The following COX10 variants were observed in gnomAD, a reference collection of about 807,000 sequenced individuals.
COX10 encodes protoheme IX farnesyltransferase, mitochondrial.
A neutral mutation model predicts 37.3 loss-of-function variants in COX10; 27 were observed. That is an observed-to-expected ratio of 0.72 (90% CI 0.53 to 1.00). The LOEUF (loss-of-function observed/expected upper bound fraction) is 1.00, where lower values mean the gene tolerates loss of function less well. Among genes scored for constraint, COX10 ranks in the 50% least tolerant of loss-of-function variants. The pLI is 0.00. For missense variants in COX10, 475 were observed against 563.2 expected (o/e 0.84, Z 1.59); for synonymous variants, 222 against 229.1 (o/e 0.97, Z 0.28).
At position 14,147,003 on chromosome 17, in the gene COX10, G is replaced by T. The variant is rs148911429; in HGVS notation, c.625-12874G>T. Among the ~76,000 whole-genome samples, 29 of 152,250 alleles carry T rather than the reference G, an allele frequency of 1.9e-4. No individual in the cohort carries two copies. The East Asian group carries it at 5.0e-3, about 26-fold the overall frequency. On this transcript the variant is annotated intron_variant, in intron 4 of 6. Transcript: ENST00000261643. ...CAAAGGCAGGCAATAACAAATGCTG[G>T]CAAGGATGTGGAGAAAAGGGAATCC...
intron 5 of COX10, among the ~76,000 whole-genome samples, chr17:14,174,799 C>T (rs1027601542): frequency 6.6e-6 from 1 of 151,088 alleles, no homozygotes; most frequent in Non-Finnish European, 1.5e-5. Context: ...GGACACATGT[C>T]CATACAAAGA....
Position 14,120,962 on chromosome 17 carries a change from T to C in COX10, c.624+18720T>C, listed in dbSNP as rs79763853. 5.6e-3 allele frequency among the ~76,000 whole-genome samples: 859 copies of C among 152,274 alleles called. 8 individuals carry two copies. Among genetic ancestry groups the C allele is most frequent in the African/African-American group, 0.019 (792 of 41,552 alleles). ...ATACAGGCATTGGTTATGTTTTCCT[T>C]CTCCACTTTCTTTCCTGACATTTTC... is the stretch of plus-strand genomic sequence containing the variant. On this transcript the variant is annotated intron_variant, in intron 4 of 6. Transcript: ENST00000261643.
At chr17:14,074,881 A>G (rs1915106158) in intron 2 of COX10, among the ~76,000 whole-genome samples, 1 of 152,192 alleles carries the variant, frequency 6.6e-6, no homozygotes, top group African/African-American at 2.4e-5. Flanking sequence ...TAACAGTTGC[A>G]CTTCTGAGTA....
At chr17:14,183,839 G>A (rs1432133930) in intron 5 of COX10, among the ~76,000 whole-genome samples, 1 of 152,054 alleles carries the variant, frequency 6.6e-6, no homozygotes, top group Non-Finnish European at 1.5e-5. Flanking sequence ...GAGAGTTCAC[G>A]GTAGTTACAT....
rs75823746 is a variant in COX10, at chr17:14,207,651, G to C, written c.*438G>C. 3,158 of 159,702 alleles carry C rather than the reference G, an allele frequency of 0.02. 68 individuals are homozygous for C. The highest frequency in any genetic ancestry group is 0.094 in the East Asian group (505 of 5,394). 9.9% of individuals were successfully genotyped at this position (159,702 alleles called of 1,614,324 possible). On this transcript the variant is annotated 3_prime_UTR_variant, in exon 7 of 7. Coordinates refer to ENST00000261643, the MANE Select transcript of COX10 (RefSeq NM_001303.4). ...GCTGTCTGTAGTTCTGTGAGCTCAG[G>C]TCCCTCAAAGGCCTCGGAGCACCCC...
chr17:14,134,305 TAAAG>T (rs1253444796), intron 4 of COX10, among the ~76,000 whole-genome samples: 6 of 151,840 alleles, frequency 4.0e-5, no homozygotes, highest in Non-Finnish European at 8.9e-5. Flanking sequence ...AAAGTATTCT[TAAAG>T]AATGTGAAGA....
rs79196225 is a variant in COX10, at chr17:14,078,498, C to T, written c.499+1442C>T. Among the ~76,000 whole-genome samples, 633 of 152,054 alleles carry T rather than the reference C, an allele frequency of 4.2e-3. 22 individuals carry two copies. In the East Asian group the frequency reaches 0.074, roughly 18 times the overall value. On this transcript the variant is annotated intron_variant, in intron 3 of 6. Coordinates refer to ENST00000261643, the MANE Select transcript of COX10 (RefSeq NM_001303.4). ...CCAGTCTTCTTCACTTTTTGCTCTC[C>T]GCTCTCCCCTTCATCTTGAGTCTAA...
chr17:14,187,405 A>G (rs564478206), intron 5 of COX10, among the ~76,000 whole-genome samples: 1 of 152,358 alleles, frequency 6.6e-6, no homozygotes, highest in South Asian at 2.1e-4. Context: ...TGTGTTATAA[A>G]TATTAATGAT....
rs1157321131 is a variant in COX10, at chr17:14,188,102, C to CTTTTT, written c.696-3872_696-3868dup. On this transcript the variant is annotated intron_variant, in intron 5 of 6. Transcript: ENST00000261643. ...AGAAGGAGTAAACAACCTTCTTCTTCTTTTTTTTTTTTTTTTTTTGACACA... is the reference window on the plus strand; with the variant it reads ...AGAAGGAGTAAACAACCTTCTTCTTCTTTTTTTTTTTTTTTTTTTTTTTTGACACA... 2.2e-4 allele frequency among the ~76,000 whole-genome samples: 27 copies of CTTTTT among 123,566 alleles called. 1 individual carries two copies. Among genetic ancestry groups the CTTTTT allele is most frequent in the Non-Finnish European group, 2.8e-4 (17 of 60,454 alleles). 81.1% of individuals were successfully genotyped at this position (123,566 alleles called of 152,430 possible).
At chr17:14,142,701 T>C (rs1291756641) in intron 4 of COX10, among the ~76,000 whole-genome samples, 1 of 152,232 alleles carries the variant, frequency 6.6e-6, no homozygotes, top group African/African-American at 2.4e-5. Context: ...AAAGCAAACA[T>C]TTCTTCCCAG....
At chr17:14,117,159 T>C (rs1157667911) in intron 4 of COX10, among the ~76,000 whole-genome samples, 1 of 152,234 alleles carries the variant, frequency 6.6e-6, no homozygotes, top group Non-Finnish European at 1.5e-5. Flanking sequence ...TTAAAGAACA[T>C]ACAAGGGCTT....
chr17:14,109,775 G>A (rs1043178084), intron 4 of COX10, among the ~76,000 whole-genome samples: 4 of 152,020 alleles, frequency 2.6e-5, no homozygotes, highest in Non-Finnish European at 4.4e-5. Context: ...GTGTAGTAGA[G>A]GTGGAGTTAA....
At chr17:14,070,344 T>C (rs1914990028) in intron 1 of COX10, among the ~76,000 whole-genome samples, 1 of 152,254 alleles carries the variant, frequency 6.6e-6, no homozygotes, top group Non-Finnish European at 1.5e-5. Context: ...TCTTTCATTA[T>C]GGTTAGCACA....
At chr17:14,139,978 G>C (rs1440443456) in intron 4 of COX10, among the ~76,000 whole-genome samples, 3 of 152,150 alleles carry the variant, frequency 2.0e-5, no homozygotes, top group Non-Finnish European at 4.4e-5. Context: ...GGCTTCTCTT[G>C]TAAGTCTATT....
At chr17:14,108,577 A>T (rs1915946684) in intron 4 of COX10, among the ~76,000 whole-genome samples, 1 of 152,146 alleles carries the variant, frequency 6.6e-6, no homozygotes, top group Non-Finnish European at 1.5e-5. Context: ...GTGAAAGCAA[A>T]TGAAAGATCA....
chr17:14,167,046 G>A (rs1176000664), intron 5 of COX10, among the ~76,000 whole-genome samples: 2 of 152,098 alleles, frequency 1.3e-5, no homozygotes, highest in African/African-American at 4.8e-5. Context: ...TATATGCCAT[G>A]AAAAACATTC....
At position 14,206,977 on chromosome 17, in the gene COX10, G is replaced by T. The variant is rs111541535; in HGVS notation, c.1096G>T (p.Val366Leu). The T allele has an allele frequency of 0.011, 18,000 of 1,614,018 alleles. 120 individuals carry two copies. Among genetic ancestry groups the T allele is most frequent in the African/African-American group, 0.014 (1,085 of 75,056 alleles). The change falls in exon 7 of 7, where the codon GTG (valine) becomes TTG (leucine). Residue 366 changes from valine (V) to leucine (L), a missense_variant. Coordinates refer to ENST00000261643, the MANE Select transcript of COX10 (RefSeq NM_001303.4). ...GCTGCGCCACTGCCTGGCCCTGCTC[G>T]TGCTGTCCGCAGCAGCCCCTGTGCT... ...VALRHCLALL[V>L]LSAAAPVLDI...
chr17:14,180,321 A>C (rs1905819024), intron 5 of COX10, among the ~76,000 whole-genome samples: 1 of 152,190 alleles, frequency 6.6e-6, no homozygotes, highest in African/African-American at 2.4e-5. Flanking sequence ...CAGGAAGAAC[A>C]AATTTGGCCT....
chr17:14,117,244 T>C (rs1916133824), intron 4 of COX10, among the ~76,000 whole-genome samples: 1 of 152,204 alleles, frequency 6.6e-6, no homozygotes, highest in Admixed American at 6.5e-5. Context: ...TCTTTATGTT[T>C]ATTTTGGGTT....
Sources: allele counts gnomAD v4.1 joint callset (sites outside exome capture counted in the v4.1 genomes callset), GRCh38; gene constraint gnomAD v4.1.1; transcripts MANE v1.5; gene names NCBI Gene and HGNC (gene_info 2026-07-23, HGNC 2026-07-21).